Variants in LHPP observed in about 807,000 individuals in gnomAD.
LHPP encodes phospholysine phosphohistidine inorganic pyrophosphate phosphatase, also known as hLHPP.
In LHPP, 24 loss-of-function variants were observed where a neutral mutation model predicts 30.3. The ratio of observed to expected loss-of-function variants is 0.79; its 90% confidence interval spans 0.57 to 1.11. LHPP has a LOEUF of 1.11. Ranked by LOEUF, LHPP falls within the 50% of genes most tolerant of loss-of-function variation. The probability of loss-of-function intolerance (pLI) is 0.00; values close to 1 mark genes in which losing one functional copy is unlikely to be tolerated. For missense variants in LHPP, 356 were observed against 367.2 expected, an observed-to-expected ratio of 0.97 and a Z score of 0.25; for synonymous variants, 150 against 157.1, an observed-to-expected ratio of 0.95 and a Z score of 0.34.
At chr10:124,530,544 AC>A (rs869233918) in intron 6 of LHPP, among the ~76,000 whole-genome samples, 96,356 of 151,412 alleles carry the variant, frequency 0.64, 30,871 homozygotes, top group South Asian at 0.78. Flanking sequence ...ACACACACAC[AC>A]ACACATATAC....
intron 6 of LHPP, among the ~76,000 whole-genome samples, chr10:124,577,581 T>G (rs1005980016): frequency 8.6e-6 from 1 of 116,398 alleles, no homozygotes; most frequent in Admixed American, 9.8e-5. Context: ...TGGCCCTGCC[T>G]TCCTCATTTT....
chr10:124,498,079 C>T lies in LHPP; in HGVS notation c.575C>T (p.Pro192Leu). The T allele has an allele frequency of 6.2e-7, 1 of 1,614,154 alleles. No individual in the cohort carries two copies. Among genetic ancestry groups the T allele is most frequent in the Non-Finnish European group, 8.5e-7 (1 of 1,180,028 alleles). Residue 192 changes from proline (P) to leucine (L), a missense_variant, in exon 5 of 7, where the codon CCT becomes CTT. By Grantham distance (98) the Pro-to-Leu change is moderately conservative. Coordinates refer to ENST00000368842, the MANE Select transcript of LHPP (RefSeq NM_022126.4). ...GCCGAGGTGGTGGGGAAGCCTTCTCCTGAGTTTTTCAAGTCTGCCCTGCAA... is the reference window on the plus strand; with the variant it reads ...GCCGAGGTGGTGGGGAAGCCTTCTCTTGAGTTTTTCAAGTCTGCCCTGCAA... The part of the protein sequence containing the change: ...IKAEVVGKPS[P>L]EFFKSALQAI...
At chr10:124,515,338 C>T (rs1041571882) in intron 5 of LHPP, among the ~76,000 whole-genome samples, 6 of 152,148 alleles carry the variant, frequency 3.9e-5, no homozygotes, top group Non-Finnish European at 2.9e-5. Flanking sequence ...TCTCTAGAAG[C>T]TTGGTTTGGA....
At chr10:124,604,590 G>T (rs545971420) in intron 6 of LHPP, among the ~76,000 whole-genome samples, 1 of 152,120 alleles carries the variant, frequency 6.6e-6, no homozygotes, top group Non-Finnish European at 1.5e-5. Context: ...TAACCCCCCA[G>T]GCCCCCGGGG....
chr10:124,569,535 C>A (rs577435144), intron 6 of LHPP, among the ~76,000 whole-genome samples: 1 of 151,470 alleles, frequency 6.6e-6, no homozygotes, highest in Non-Finnish European at 1.5e-5. Flanking sequence ...GGGAACGTGG[C>A]GGGCAGGGTG....
chr10:124,604,712 C>A (rs1158806931), intron 6 of LHPP, among the ~76,000 whole-genome samples: 1 of 152,250 alleles, frequency 6.6e-6, no homozygotes, highest in Non-Finnish European at 1.5e-5. Context: ...CACAGCCGAG[C>A]TGGCGTCACC....
Position 124,610,274 on chromosome 10 carries a change from C to A in LHPP, c.717-2990C>A, listed in dbSNP as rs73379022. 7.5e-3 allele frequency among the ~76,000 whole-genome samples: 1,048 copies of A among 139,470 alleles called. 7 individuals carry two copies. Among genetic ancestry groups the A allele is most frequent in the African/African-American group, 0.02 (683 of 34,696 alleles). The allele number at this position is 139,470 out of a possible 152,430, so 91.5% of individuals were successfully genotyped here. On this transcript the variant is annotated intron_variant, in intron 6 of 6. Transcript: ENST00000368842. ...GGCCTCTAAAGCCCTGACACTGACA[C>A]GGGTTGTTCTTGCTGGGGTTGCTAA...
intron 6 of LHPP, among the ~76,000 whole-genome samples, chr10:124,543,657 C>T (rs1295361149): frequency 6.6e-6 from 1 of 152,182 alleles, no homozygotes; most frequent in Non-Finnish European, 1.5e-5. Flanking sequence ...TCCGTGGGGC[C>T]TGTCTGGGCC....
intron 6 of LHPP, among the ~76,000 whole-genome samples, chr10:124,520,076 G>C (rs140538738): frequency 7.9e-5 from 12 of 151,818 alleles, no homozygotes; most frequent in African/African-American, 2.7e-4. Flanking sequence ...CCCGTGATCT[G>C]CCCACCTCGG....
At chr10:124,579,723 C>A (rs796723155) in intron 6 of LHPP, among the ~76,000 whole-genome samples, 5 of 152,304 alleles carry the variant, frequency 3.3e-5, no homozygotes, top group African/African-American at 1.2e-4. Context: ...AGCCAGGAAT[C>A]TTTTCTTTCT....
At chr10:124,579,676 A>G (rs531773521) in intron 6 of LHPP, among the ~76,000 whole-genome samples, 2 of 152,264 alleles carry the variant, frequency 1.3e-5, no homozygotes, top group Non-Finnish European at 2.9e-5. Flanking sequence ...TTAAATATAC[A>G]TATTTCCAGG....
chr10:124,564,116 TA>T (rs1228598761), intron 6 of LHPP, among the ~76,000 whole-genome samples: 10 of 148,744 alleles, frequency 6.7e-5, no homozygotes, highest in African/African-American at 1.8e-4. Context: ...CCAGCTGATT[TA>T]AAAAAAAATT....
rs531369084 is a variant in LHPP, at chr10:124,544,908, T to G, written c.716+27637T>G. Among the ~76,000 whole-genome samples the G allele has an allele frequency of 2.6e-4, 39 of 152,284 alleles. No individual in the cohort carries two copies. The South Asian group carries it at 7.7e-3, about 30-fold the overall frequency. On this transcript the variant is annotated intron_variant, in intron 6 of 6. Transcript: ENST00000368842. ...CTGGCCACTGTGGCGCGAGTGCATA[T>G]GTGCGCAGGGCTGTGCATGGGCGGC...
intron 6 of LHPP, among the ~76,000 whole-genome samples, chr10:124,588,298 C>CTTTTTTTTTTTTTTT (rs55633265): frequency 0.035 from 5,102 of 146,124 alleles, 319 homozygotes; most frequent in African/African-American, 0.12. Context: ...TTTTTCTCTT[C>CTTTTTTTTTTTTTTT]TTTTTTTTTT....
chr10:124,477,909 C>T (rs927886430), intron 1 of LHPP, among the ~76,000 whole-genome samples: 1 of 152,158 alleles, frequency 6.6e-6, no homozygotes, highest in Non-Finnish European at 1.5e-5. Context: ...CTGTGGCCTC[C>T]GAGACCCTGG....
chr10:124,572,843 C>T (rs1054640497), intron 6 of LHPP, among the ~76,000 whole-genome samples: 2 of 152,194 alleles, frequency 1.3e-5, no homozygotes, highest in African/African-American at 4.8e-5. Flanking sequence ...CGCTGCTGCT[C>T]CCATCCAGCT....
At chr10:124,571,527 T>G (rs1034152929) in intron 6 of LHPP, among the ~76,000 whole-genome samples, 8 of 152,216 alleles carry the variant, frequency 5.3e-5, no homozygotes, top group African/African-American at 1.9e-4. Context: ...GTGTCCAGGA[T>G]GCACTGCCTA....
chr10:124,611,829 T>C (rs545698905), intron 6 of LHPP, among the ~76,000 whole-genome samples: 1 of 152,058 alleles, frequency 6.6e-6, no homozygotes, highest in African/African-American at 2.4e-5. Context: ...CTTCAAGCAC[T>C]TCCTCTCAGA....
Position 124,541,236 on chromosome 10 carries a change from G to T in LHPP, c.716+23965G>T, listed in dbSNP as rs1485528258. 2.0e-5 allele frequency among the ~76,000 whole-genome samples: 3 copies of T among 152,192 alleles called. No homozygotes were observed. Among genetic ancestry groups the T allele is most frequent in the African/African-American group, 4.8e-5 (2 of 41,444 alleles). ...GCCGCTGCCCCTGCACACTGTGCTT[G>T]GGGGACACAGCCGACACGACCAGCC... On this transcript the variant is annotated intron_variant, in intron 6 of 6. Coordinates refer to ENST00000368842, the MANE Select transcript of LHPP (RefSeq NM_022126.4). The surrounding 1 kb of genome is among the most constrained non-coding windows in gnomAD (Gnocchi z 4.2).
Sources: allele counts gnomAD v4.1 joint callset (sites outside exome capture counted in the v4.1 genomes callset), GRCh38; gene constraint gnomAD v4.1.1; non-coding constraint Gnocchi (gnomAD v3.1); transcripts MANE v1.5; gene names NCBI Gene and HGNC (gene_info 2026-07-23, HGNC 2026-07-21).